The following TTN variants were observed in gnomAD, a reference collection of about 807,000 sequenced individuals.
The protein encoded by TTN is connectin.
A neutral mutation model predicts 3,223.0 loss-of-function variants in TTN; 1,525 were observed. The observed-to-expected ratio is 0.47, with a 90% CI of 0.45 to 0.49. The LOEUF (loss-of-function observed/expected upper bound fraction) is 0.49, where lower values mean the gene tolerates loss of function less well. TTN is among the 20% of genes least tolerant of loss of function. The pLI, the probability that TTN is intolerant of heterozygous loss-of-function variation, is 0.00. For synonymous variants in TTN, 14,094 were observed against 15,161.0 expected (o/e 0.93, Z 5.17); for missense variants, 40,786 against 43,424.0 (o/e 0.94, Z 5.40).
In TTN at chr2:178,724,484, G is replaced by A. The variant is rs765257439; in HGVS notation, c.20891C>T (p.Thr6964Met). 55 of 1,612,044 alleles carry A rather than the reference G, an allele frequency of 3.4e-5. No individual in the cohort carries two copies. In the South Asian group the frequency reaches 4.8e-4, roughly 14 times the overall value. ...AGPMTVTVGETCTLECKVAGT... is the reference protein window; with the variant it reads ...AGPMTVTVGEMCTLECKVAGT... ...AGCCACCTTACACTCCAGAGTGCAC[G>A]TTTCTCCTACAGTCACCGTCATCGG... The change falls in exon 72 of 363, where the codon ACG becomes ATG. Residue 6964 changes from threonine to methionine, a missense_variant. Coordinates refer to ENST00000589042, the MANE Select transcript of TTN (RefSeq NM_001267550.2).
Position 178,532,123 on chromosome 2 carries a change from G to A in TTN, c.104492C>T (p.Ser34831Leu). The change falls in exon 358 of 363, where the codon TCA (serine) becomes TTA (leucine). Residue 34831 changes from serine (S) to leucine (L), a missense_variant. Physicochemically the swap from Ser to Leu is moderately radical, Grantham distance 145. Coordinates refer to ENST00000589042, the MANE Select transcript of TTN (RefSeq NM_001267550.2). ...TCGTCTCAGTAGTCTAGACGCAGAT[G>A]AGGATGATTCTCTTTGAGCATGTTT... The part of the protein sequence containing the change: ...ISKHAQRESS[S>L]SASRLLRRRR... The A allele has an allele frequency of 6.2e-7, 1 of 1,613,972 alleles. No homozygotes were observed. Among genetic ancestry groups the A allele is most frequent in the Non-Finnish European group, 8.5e-7 (1 of 1,179,872 alleles).
At position 178,579,832 on chromosome 2, in the gene TTN, A is replaced by T. The variant is rs2047289017; in HGVS notation, c.67365T>A (p.Val22455=). The change falls in exon 319 of 363, where the codon GTT becomes GTA. Residue 22455 remains valine (V), a synonymous_variant. Transcript: ENST00000589042. ...ATACAGACCTCACTTTCAGGTCCACAACTGGTCCAGGAGTTTCTAAAGCAA... is the reference window on the plus strand; with the variant it reads ...ATACAGACCTCACTTTCAGGTCCACTACTGGTCCAGGAGTTTCTAAAGCAA... ...AVKASQTPGP[V]VDLKVRSVSK... The T allele has an allele frequency of 6.2e-7, 1 of 1,613,110 alleles. No homozygotes were observed. The highest frequency in any genetic ancestry group is 1.7e-5 in the Admixed American group (1 of 59,938).
intron 219 of TTN, 94 bp downstream of exon 219, chr2:178,642,143 C>A: frequency 9.4e-7 from 1 of 1,068,892 alleles, no homozygotes; most frequent in Non-Finnish European, 1.3e-6. Context: ...CGAACCAATT[C>A]AAAGAAAACC....
At chr2:178,737,663 C>A (rs553747644) in intron 49 of TTN, among the ~76,000 whole-genome samples, 6 of 152,196 alleles carry the variant, frequency 3.9e-5, no homozygotes, top group African/African-American at 1.4e-4. Flanking sequence ...TATACTAGCT[C>A]CCTGTCTTAC....
At position 178,684,656 on chromosome 2, in the gene TTN, G is replaced by A; in HGVS notation, c.32638+10C>T. ...TGTTCCTAGTTTTTCTGCTGGGGAG[G>A]TTTGTTTACCTTTGGCTGGGAGAGG... On this transcript the variant is annotated intron_variant, in intron 131 of 362. Coordinates refer to ENST00000589042, the MANE Select transcript of TTN (RefSeq NM_001267550.2). 2 of 1,602,836 alleles carry A rather than the reference G, an allele frequency of 1.2e-6. No individual in the cohort carries two copies. Among genetic ancestry groups the A allele is most frequent in the Non-Finnish European group, 1.7e-6 (2 of 1,176,718 alleles).
Position 178,592,261 on chromosome 2 carries a change from A to G in TTN, c.59643T>C (p.Pro19881=). 1 of 1,611,300 alleles carries G rather than the reference A, an allele frequency of 6.2e-7. No homozygotes were observed. Among genetic ancestry groups the G allele is most frequent in the Non-Finnish European group, 8.5e-7 (1 of 1,178,892 alleles). ...KVLVLDKPGP[P]RDLEVSEIRK... is the part of the protein sequence containing the mutation. Reference sequence around the variant, plus strand: ...TAATTTCACTGACTTCCAGATCTCTAGGTGGCCCAGGTTTATCTAAAAAGT... The same window carrying G: ...TAATTTCACTGACTTCCAGATCTCTGGGTGGCCCAGGTTTATCTAAAAAGT... The change falls in exon 302 of 363, where the codon CCT becomes CCC. Residue 19881 remains proline, a synonymous_variant. Coordinates refer to ENST00000589042, the MANE Select transcript of TTN (RefSeq NM_001267550.2).
Position 178,634,163 on chromosome 2 carries a change from G to A in TTN, c.42416-80C>T. The A allele has an allele frequency of 6.4e-7, 1 of 1,560,804 alleles. No individual in the cohort carries two copies. The highest frequency in any genetic ancestry group is 2.1e-4 in the Middle Eastern group (1 of 4,822). On this transcript the variant is annotated intron_variant, in intron 230 of 362. Coordinates refer to ENST00000589042, the MANE Select transcript of TTN (RefSeq NM_001267550.2). The surrounding 1 kb of genome is among the most constrained non-coding windows in gnomAD (Gnocchi z 4.6). ...TCCATTCTAATCTGCCTGAGTAAAA[G>A]GGACCCATTTCACATGGCACTTATT...
At position 178,794,971 on chromosome 2, in the gene TTN, G is replaced by A. The variant is rs765935795; in HGVS notation, c.1196C>T (p.Ser399Leu). 5.6e-6 allele frequency: 9 copies of A among 1,606,262 alleles called. No individual in the cohort carries two copies. Among genetic ancestry groups the A allele is most frequent in the East Asian group, 4.5e-5 (2 of 44,894 alleles). The change falls in exon 7 of 363, where the codon TCG becomes TTG. Residue 399 changes from serine to leucine, a missense_variant. Transcript: ENST00000589042. The stretch of plus-strand genomic sequence containing the variant: ...CTCTGCTGCGTAGCTAGCACTGGCC[G>A]ACACACTGGCGGCAGCACCCGCAGC... ...SGAAGAAASV[S>L]ASASYAAEAV...
At position 178,609,730 on chromosome 2, in the gene TTN, A is replaced by G; in HGVS notation, c.51693T>C (p.Ser17231=). ...RVRAENAAGI[S]EPSRATPPTK... is the part of the protein sequence containing the mutation. The stretch of plus-strand genomic sequence containing the variant: ...TTGGAGGAGTAGCCCGAGAAGGTTC[A>G]CTAATACCCGCGGCGTTCTCTGCTC... The change falls in exon 272 of 363, where the codon AGT becomes AGC. Residue 17231 remains serine, a synonymous_variant. Coordinates refer to ENST00000589042, the MANE Select transcript of TTN (RefSeq NM_001267550.2). 1.9e-6 allele frequency: 3 copies of G among 1,610,532 alleles called. No individual in the cohort carries two copies. Among genetic ancestry groups the G allele is most frequent in the Non-Finnish European group, 2.5e-6 (3 of 1,177,516 alleles).
Position 178,745,989 on chromosome 2 carries a change from C to T in TTN, c.11312-4068G>A, listed in dbSNP as rs72648914. 3 of 1,612,592 alleles carry T rather than the reference C, an allele frequency of 1.9e-6. No homozygotes were observed. In the African/African-American group the frequency reaches 4.0e-5, roughly 22 times the overall value. The stretch of plus-strand genomic sequence containing the variant: ...ATCACAGCAAATATTTCAGAATCTC[C>T]CATGGTGAGGAATCCCCGACAGATA... On this transcript the variant is annotated intron_variant, in intron 47 of 362. Transcript: ENST00000589042.
chr2:178,729,374 C>T lies in TTN; in HGVS notation c.18782G>A (p.Cys6261Tyr), dbSNP rs1060500581. The change falls in exon 64 of 363, where the codon TGT (cysteine) becomes TAT (tyrosine). Residue 6261 changes from cysteine (C) to tyrosine (Y), a missense_variant. Cys to Tyr is a radical substitution (Grantham distance 194, BLOSUM62 -2). Transcript: ENST00000589042. ...VSVFNLHITK[C>Y]DPSDTGEYQC... is the part of the protein sequence containing the mutation. The stretch of plus-strand genomic sequence containing the variant: ...GTATTCCCCAGTGTCTGAAGGGTCA[C>T]ACTTGGTTATATGGAGGTTAAACAC... The T allele has an allele frequency of 1.9e-6, 3 of 1,613,606 alleles. No homozygotes were observed. Among genetic ancestry groups the T allele is most frequent in the Admixed American group, 3.3e-5 (2 of 59,988 alleles).
In TTN at chr2:178,773,651, A is replaced by G. The variant is rs1483612704; in HGVS notation, c.7405T>C (p.Ser2469Pro). ...TTAACAGAAGTCACATCAGGGACTGACACCTTACATTCAAGCACAGCCTTG... is the reference window on the plus strand; with the variant it reads ...TTAACAGAAGTCACATCAGGGACTGGCACCTTACATTCAAGCACAGCCTTG... ...GTKAVLECKV[S>P]VPDVTSVKWY... Residue 2469 changes from serine to proline, a missense_variant, in exon 32 of 363, where the codon TCA becomes CCA. Coordinates refer to ENST00000589042, the MANE Select transcript of TTN (RefSeq NM_001267550.2). The G allele has an allele frequency of 3.7e-6, 6 of 1,613,936 alleles. No homozygotes were observed. The highest frequency in any genetic ancestry group is 5.1e-6 in the Non-Finnish European group (6 of 1,179,982).
chr2:178,589,607 C>T lies in TTN; in HGVS notation c.62118G>A (p.Glu20706=). The change falls in exon 304 of 363, where the codon GAG becomes GAA. Residue 20706 remains glutamate, a synonymous_variant. Coordinates refer to ENST00000589042, the MANE Select transcript of TTN (RefSeq NM_001267550.2). ...AGTCATCGGAGCCCTTAAGCCTTCTCTCAACATGATATGACAGATTTGGAC... is the reference window on the plus strand; with the variant it reads ...AGTCATCGGAGCCCTTAAGCCTTCTTTCAACATGATATGACAGATTTGGAC... The part of the protein sequence containing the change: ...GGSPNLSYHV[E]RRLKGSDDWE... 6.2e-7 allele frequency: 1 copy of T among 1,613,316 alleles called. No homozygotes were observed.
Position 178,594,422 on chromosome 2 carries a change from G to A in TTN, c.58072C>T (p.Arg19358Cys), listed in dbSNP as rs371973579. 4.7e-5 allele frequency: 76 copies of A among 1,611,908 alleles called. No individual in the cohort carries two copies. In the African/African-American group the frequency reaches 6.5e-4, roughly 14 times the overall value. The change falls in exon 296 of 363, where the codon CGT (arginine) becomes TGT (cysteine). Residue 19358 changes from arginine to cysteine, a missense_variant. By Grantham distance (180) the Arg-to-Cys change is radical. Transcript: ENST00000589042. ...CCAACAATGTTGACAGCACTGACAC[G>A]GTACTCATAGGTATCACCTTCTTTT... ...GLKEGDTYEYRVSAVNIVGQG... is the reference protein window; with the variant it reads ...GLKEGDTYEYCVSAVNIVGQG...
intron 240 of TTN, among the ~76,000 whole-genome samples, chr2:178,627,892 C>A (rs2059268371): frequency 6.6e-6 from 1 of 152,028 alleles, no homozygotes; most frequent in South Asian, 2.1e-4. Context: ...GCAACCAATT[C>A]TCTGCCTTTA....
rs2079861186 is a variant in TTN, at chr2:178,728,883, T to G, written c.19147+8A>C. 6.3e-7 allele frequency: 1 copy of G among 1,587,384 alleles called. No individual in the cohort carries two copies. The highest frequency in any genetic ancestry group is 1.3e-5 in the African/African-American group (1 of 74,114). ...TAGACTATCTTTGAAAGAGAATAGC[T>G]TACAAACCTTGTACTAAAAGGAAAG... On this transcript the variant is annotated splice_region_variant and intron_variant, in intron 65 of 362. Coordinates refer to ENST00000589042, the MANE Select transcript of TTN (RefSeq NM_001267550.2).
Position 178,702,547 on chromosome 2 carries a change from G to A in TTN, c.30340C>T (p.Pro10114Ser). The A allele has an allele frequency of 3.7e-6, 6 of 1,613,880 alleles. No homozygotes were observed. The highest frequency in any genetic ancestry group is 5.1e-6 in the Non-Finnish European group (6 of 1,179,866). Residue 10114 changes from proline (P) to serine (S), a missense_variant, in exon 107 of 363, where the codon CCA becomes TCA. Transcript: ENST00000589042. The part of the protein sequence containing the change: ...DDAIVTWYKG[P>S]TELTESQKYN... ...TTCTGGCTCTCTGTCAGTTCTGTTG[G>A]TCCTTTGTACCATGTTACAATGGCA...
At chr2:178,799,793 A>T (rs1349829195) in intron 5 of TTN, 32 bp downstream of exon 5, 1 of 1,614,218 alleles carries the variant, frequency 6.2e-7, no homozygotes. Flanking sequence ...AACAGCCTGA[A>T]AGGCTTGAAA....
chr2:178,728,033 A>G, intron 67 of TTN, 77 bp downstream of exon 67: 6 of 1,453,374 alleles, frequency 4.1e-6, no homozygotes, highest in Non-Finnish European at 4.6e-6. Flanking sequence ...TTTAGCTCTA[A>G]AGGATACAAA....
Sources: gnomAD v4.1 joint callset for allele counts (sites outside exome capture counted in the v4.1 genomes callset) on GRCh38, gnomAD v4.1.1 for gene constraint, Gnocchi (gnomAD v3.1) non-coding constraint, MANE v1.5 for transcripts, NCBI Gene and HGNC (gene_info 2026-07-23, HGNC 2026-07-21) for gene names.